ATP10D: variants seen among roughly 807,000 people sequenced by gnomAD.
The protein encoded by ATP10D is ATPase phospholipid transporting 10D (putative).
A neutral mutation model predicts 144.8 loss-of-function variants in ATP10D; 89 were observed. The ratio of observed to expected loss-of-function variants is 0.61; its 90% CI spans 0.52 to 0.73. The LOEUF (loss-of-function observed/expected upper bound fraction) is 0.73, where lower values mean the gene tolerates loss of function less well. Ranked by LOEUF, ATP10D falls within the 30% of genes least tolerant of loss-of-function variation. ATP10D has a pLI of 0.00. For synonymous variants in ATP10D, 571 were observed against 615.1 expected, an observed-to-expected ratio of 0.93 and a Z score of 1.06; for missense variants, 1,603 against 1,714.8, an observed-to-expected ratio of 0.93 and a Z score of 1.15.
intron 5 of ATP10D, among the ~76,000 whole-genome samples, chr4:47,532,056 A>C (rs769976095): frequency 6.6e-6 from 1 of 152,188 alleles, no homozygotes; most frequent in Non-Finnish European, 1.5e-5. Flanking sequence ...TAGTTTGTCT[A>C]GTGTCTGAGA....
At chr4:47,546,099 T>C (rs1164859112) in intron 9 of ATP10D, among the ~76,000 whole-genome samples, 1 of 152,144 alleles carries the variant, frequency 6.6e-6, no homozygotes, top group Non-Finnish European at 1.5e-5. Flanking sequence ...GTCAAGTCTG[T>C]TGGATATTAC....
chr4:47,524,980 T>G (rs977316829), intron 4 of ATP10D, among the ~76,000 whole-genome samples: 13 of 152,188 alleles, frequency 8.5e-5, no homozygotes, highest in Non-Finnish European at 1.2e-4. Context: ...ATGTGGCTTG[T>G]TTCAGGGGAA....
Position 47,572,219 on chromosome 4 carries a change from G to A in ATP10D, c.3229G>A (p.Glu1077Lys). ...CATTGGGATAGGGGTCTCAGGTCAA[G>A]AAGGCATGCAGGTGAGTGGATATTG... ...ADIGIGVSGQ[E>K]GMQAVMASDF... The change falls in exon 17 of 23, where the codon GAA becomes AAA. Residue 1077 changes from glutamate (E) to lysine (K), a missense_variant. Coordinates refer to ENST00000273859, the MANE Select transcript of ATP10D (RefSeq NM_020453.4). The A allele has an allele frequency of 1.2e-6, 2 of 1,614,106 alleles. No homozygotes were observed. The highest frequency in any genetic ancestry group is 1.7e-6 in the Non-Finnish European group (2 of 1,179,992).
intron 10 of ATP10D, 166 bp downstream of exon 10, chr4:47,547,028 C>T (rs1718477772): frequency 1.6e-6 from 1 of 627,532 alleles, no homozygotes; most frequent in African/African-American, 1.8e-5. Flanking sequence ...TATAAACAAA[C>T]AATATCACAC....
intron 22 of ATP10D, among the ~76,000 whole-genome samples, chr4:47,589,513 G>A (rs898354865): frequency 2.4e-4 from 37 of 152,220 alleles, no homozygotes; most frequent in African/African-American, 8.7e-4. Flanking sequence ...GGACATTTAA[G>A]TTGTAACCAG....
chr4:47,496,448 C>T (rs940171014), intron 1 of ATP10D, among the ~76,000 whole-genome samples: 6 of 152,040 alleles, frequency 3.9e-5, no homozygotes, highest in African/African-American at 7.2e-5. Context: ...TGAGCCACCG[C>T]GCCCGGCTGT....
In ATP10D at chr4:47,558,020, C is replaced by A; in HGVS notation, c.2181C>A (p.Ser727Arg). The change falls in exon 12 of 23, where the codon AGC (serine) becomes AGA (arginine). Residue 727 changes from serine to arginine, a missense_variant. Ser to Arg is a moderately radical substitution (Grantham distance 110, BLOSUM62 -1). Coordinates refer to ENST00000273859, the MANE Select transcript of ATP10D (RefSeq NM_020453.4). ...GCAACCTGTGTTATGAGGCCGAGAG[C>A]CCAGACGAAGCGGCCTTAGTGTATG... ...LACNLCYEAE[S>R]PDEAALVYAA... 1 of 1,614,172 alleles carries A rather than the reference C, an allele frequency of 6.2e-7. No homozygotes were observed. Among genetic ancestry groups the A allele is most frequent in the Non-Finnish European group, 8.5e-7 (1 of 1,180,000 alleles).
intron 1 of ATP10D, among the ~76,000 whole-genome samples, chr4:47,510,765 G>T: frequency 6.6e-6 from 1 of 152,212 alleles, no homozygotes; most frequent in African/African-American, 2.4e-5. Context: ...AGGGAAGTGA[G>T]ATTTAGATTG....
intron 4 of ATP10D, 49 bp from the exon 5 acceptor site, chr4:47,525,508 A>T: frequency 7.6e-7 from 1 of 1,312,004 alleles, no homozygotes. Context: ...CTTCAATATT[A>T]AGGGTTTAAC....
chr4:47,577,123 A>C, intron 19 of ATP10D, 150 bp downstream of exon 19: 1 of 706,406 alleles, frequency 1.4e-6, no homozygotes, highest in Non-Finnish European at 2.4e-6. Context: ...GCAGATATTC[A>C]CTTACTTAAC....
intron 1 of ATP10D, among the ~76,000 whole-genome samples, chr4:47,510,994 T>C (rs147240057): frequency 3.3e-5 from 5 of 152,326 alleles, no homozygotes; most frequent in African/African-American, 1.2e-4. Context: ...TTTTCTGTTA[T>C]CTATTGATTC....
chr4:47,535,773 G>T, intron 6 of ATP10D, 129 bp from the exon 7 acceptor site: 1 of 1,336,884 alleles, frequency 7.5e-7, no homozygotes. Context: ...CACAAAAGCA[G>T]ATTGAACTGA....
intron 7 of ATP10D, 78 bp from the exon 8 acceptor site, chr4:47,536,359 T>C (rs1717845632): frequency 6.5e-7 from 1 of 1,536,994 alleles, no homozygotes; most frequent in Non-Finnish European, 8.8e-7. Context: ...CTCTCATTCC[T>C]TCTCCTTTAG....
chr4:47,552,503 G>C (rs1365147833), intron 10 of ATP10D, among the ~76,000 whole-genome samples: 4 of 152,164 alleles, frequency 2.6e-5, no homozygotes, highest in Admixed American at 1.3e-4. Flanking sequence ...CCTTGGACCT[G>C]TTTTATAAGG....
intron 1 of ATP10D, among the ~76,000 whole-genome samples, chr4:47,495,715 C>G (rs888141010): frequency 9.3e-5 from 14 of 150,580 alleles, no homozygotes; most frequent in African/African-American, 3.4e-4. Flanking sequence ...TTTTATGAGT[C>G]ATTAACAATT....
intron 14 of ATP10D, among the ~76,000 whole-genome samples, chr4:47,562,151 A>G (rs1403998635): frequency 6.6e-6 from 1 of 152,196 alleles, no homozygotes; most frequent in African/African-American, 2.4e-5. Flanking sequence ...TTAGGTGAAC[A>G]TTTGTCAGTT....
intron 1 of ATP10D, among the ~76,000 whole-genome samples, chr4:47,487,838 T>G (rs1714852270): frequency 6.6e-6 from 1 of 152,156 alleles, no homozygotes; most frequent in South Asian, 2.1e-4. Flanking sequence ...CGTGGTATTA[T>G]GTATTAAAAC....
At chr4:47,514,655 A>G (rs566378177) in intron 2 of ATP10D, among the ~76,000 whole-genome samples, 1 of 152,312 alleles carries the variant, frequency 6.6e-6, no homozygotes, top group South Asian at 2.1e-4. Flanking sequence ...GAATGGAAGA[A>G]GTTCCTGAAG....
chr4:47,583,387 G>A (rs1720625228), intron 21 of ATP10D: 1 of 152,062 alleles, frequency 6.6e-6, no homozygotes, highest in Admixed American at 6.6e-5. Context: ...AGCTGAATAA[G>A]GTTATAGTTT....
Sources: allele counts gnomAD v4.1 joint callset (sites outside exome capture counted in the v4.1 genomes callset), GRCh38; gene constraint gnomAD v4.1.1; transcripts MANE v1.5; gene names NCBI Gene and HGNC (gene_info 2026-07-23, HGNC 2026-07-21).